The following PCDHGA3 variants were observed in gnomAD, a reference collection of about 807,000 sequenced individuals.
PCDHGA3 encodes the protein protocadherin gamma-A3.
In PCDHGA3, 40 loss-of-function variants were observed where a neutral mutation model predicts 58.5. The ratio of observed to expected loss-of-function variants is 0.68; its 90% confidence interval spans 0.53 to 0.89. The LOEUF is 0.89. Ranked by LOEUF, PCDHGA3 falls within the 40% of genes least tolerant of loss-of-function variation. PCDHGA3 has a pLI of 0.00. For missense variants in PCDHGA3, 1,223 were observed against 1,195.9 expected (o/e 1.02, Z -0.33); for synonymous variants, 530 against 525.7 (o/e 1.01, Z -0.11).
chr5:141,364,347 G>C, intron 1 of PCDHGA3: 1 of 1,543,210 alleles, frequency 6.5e-7, no homozygotes, highest in East Asian at 2.3e-5. Context: ...AGTCCACCTA[G>C]GGGCTGGGGC....
In PCDHGA3 at chr5:141,433,028, G is replaced by T. The variant is rs539293579; in HGVS notation, c.2425-61779G>T. 27 of 1,614,116 alleles carry T rather than the reference G, an allele frequency of 1.7e-5. No individual in the cohort carries two copies. The highest frequency in any genetic ancestry group is 6.7e-5 in the Admixed American group (4 of 60,018). On this transcript the variant is annotated intron_variant, in intron 1 of 3. Coordinates refer to ENST00000253812, the MANE Select transcript of PCDHGA3 (RefSeq NM_018916.4). ...TTTCCTGCAGACCTATTCCCACGAG[G>T]TTTCCCTCACCACGGACTCGCGGAA...
chr5:141,380,233 G>A (rs1035611474), intron 1 of PCDHGA3, among the ~76,000 whole-genome samples: 49 of 152,114 alleles, frequency 3.2e-4, no homozygotes, highest in Non-Finnish European at 7.1e-4. Context: ...GGCTTCTGTT[G>A]AGGTGGCAAT....
Position 141,345,233 on chromosome 5 carries a change from A to C in PCDHGA3, c.1200A>C (p.Gln400His). 1 of 1,613,968 alleles carries C rather than the reference A, an allele frequency of 6.2e-7. No homozygotes were observed. Among genetic ancestry groups the C allele is most frequent in the African/African-American group, 1.3e-5 (1 of 75,024 alleles). ...TTAAGTTAGAAAAATCAATAGATCA[A>C]TATTACCGCTTAGTGACGGCCACAT... is the stretch of plus-strand genomic sequence containing the variant. ...LPFKLEKSID[Q>H]YYRLVTATSL... The change falls in exon 1 of 4, where the codon CAA (glutamine) becomes CAC (histidine). Residue 400 changes from glutamine to histidine, a missense_variant. Coordinates refer to ENST00000253812, the MANE Select transcript of PCDHGA3 (RefSeq NM_018916.4).
chr5:141,428,757 G>T (rs1216855355), intron 1 of PCDHGA3: 1 of 154,176 alleles, frequency 6.5e-6, no homozygotes, highest in Non-Finnish European at 1.4e-5. Context: ...CTTCAGGTTT[G>T]TTTGCCCACT....
chr5:141,392,641 C>A, intron 1 of PCDHGA3: 2 of 655,502 alleles, frequency 3.1e-6, no homozygotes, highest in East Asian at 5.8e-5. Flanking sequence ...TCACACCTCA[C>A]GAAGACCCGC....
At chr5:141,429,196 A>ACACACT in intron 1 of PCDHGA3, 1 of 151,994 alleles carries the variant, frequency 6.6e-6, no homozygotes, top group Non-Finnish European at 1.5e-5. Context: ...ACACACACAC[A>ACACACT]CACACACACG....
intron 1 of PCDHGA3, among the ~76,000 whole-genome samples, chr5:141,406,468 T>C (rs2094813433): frequency 6.6e-6 from 1 of 152,230 alleles, no homozygotes; most frequent in Admixed American, 6.5e-5. Flanking sequence ...AACACCTCTT[T>C]GAGGTTATAT....
At chr5:141,388,616 A>C in intron 1 of PCDHGA3, 1 of 1,613,938 alleles carries the variant, frequency 6.2e-7, no homozygotes, top group Non-Finnish European at 8.5e-7. Flanking sequence ...TGTTCAGTCA[A>C]GACGTATACA....
intron 1 of PCDHGA3, chr5:141,357,263 G>A (rs2149795204): frequency 1.9e-6 from 3 of 1,613,814 alleles, no homozygotes; most frequent in East Asian, 4.5e-5. Context: ...GACGACTCGG[G>A]CCTCACACTC....
chr5:141,450,010 T>A (rs2098664468), intron 1 of PCDHGA3, among the ~76,000 whole-genome samples: 1 of 135,330 alleles, frequency 7.4e-6, no homozygotes, highest in African/African-American at 3.3e-5. Flanking sequence ...ATGTCTCTTT[T>A]TTTTTTTTTT....
chr5:141,428,222 C>A, intron 1 of PCDHGA3: 1 of 1,173,442 alleles, frequency 8.5e-7, no homozygotes, highest in Non-Finnish European at 1.2e-6. Flanking sequence ...CTAGTCTTCG[C>A]AGACAGCCTG....
chr5:141,362,184 C>T (rs1252521454), intron 1 of PCDHGA3: 1 of 1,614,058 alleles, frequency 6.2e-7, no homozygotes, highest in Admixed American at 1.7e-5. Flanking sequence ...AGCCCTCTGA[C>T]CCCCAGGCAA....
In PCDHGA3 at chr5:141,388,127, C is replaced by T. The variant is rs760517049; in HGVS notation, c.2424+41670C>T. 21 of 1,427,554 alleles carry T rather than the reference C, an allele frequency of 1.5e-5. No homozygotes were observed. The African/African-American group carries it at 2.9e-4, about 20-fold the overall frequency. The allele number at this position is 1,427,554 out of a possible 1,614,324, so 88.4% of individuals were successfully genotyped here. On this transcript the variant is annotated intron_variant, in intron 1 of 3. Coordinates refer to ENST00000253812, the MANE Select transcript of PCDHGA3 (RefSeq NM_018916.4). ...CTTACTTCACCGTGAGCGCAGAGAG[C>T]GGGGAGTTGCTTGTGAGCAGCAGGC...
intron 1 of PCDHGA3, chr5:141,350,722 T>C (rs371225641): frequency 5.0e-6 from 8 of 1,613,840 alleles, no homozygotes; most frequent in Non-Finnish European, 6.8e-6. Context: ...TGGATTCTGC[T>C]CAAGATGCAG....
chr5:141,420,156 A>T lies in PCDHGA3; in HGVS notation c.2424+73699A>T, dbSNP rs1406451882. ...GGGGATCAAATGAATCCAGAATTTA[A>T]TTTTTTCACATCTGTTGATCATTGT... On this transcript the variant is annotated intron_variant, in intron 1 of 3. Coordinates refer to ENST00000253812, the MANE Select transcript of PCDHGA3 (RefSeq NM_018916.4). The T allele has an allele frequency of 1.4e-5, 22 of 1,613,872 alleles. No individual in the cohort carries two copies. Among genetic ancestry groups the T allele is most frequent in the Middle Eastern group, 3.3e-4 (2 of 6,084 alleles).
intron 1 of PCDHGA3, among the ~76,000 whole-genome samples, chr5:141,459,804 C>G (rs2098975712): frequency 6.6e-6 from 1 of 152,192 alleles, no homozygotes; most frequent in Non-Finnish European, 1.5e-5. Context: ...TCCCTGTTGA[C>G]TAGAGACACT....
intron 1 of PCDHGA3, chr5:141,440,995 C>G (rs1425894086): frequency 6.6e-6 from 1 of 152,154 alleles, no homozygotes; most frequent in Non-Finnish European, 1.5e-5. Context: ...GTACCCATAT[C>G]TAGTTTGGCC....
At chr5:141,418,836 C>T (rs2096292464) in intron 1 of PCDHGA3, 1 of 1,613,984 alleles carries the variant, frequency 6.2e-7, no homozygotes, top group Non-Finnish European at 8.5e-7. Flanking sequence ...GACCGAGGAT[C>T]TCTCTCAACA....
chr5:141,486,163 G>A lies in PCDHGA3; in HGVS notation c.2425-8644G>A. 2.5e-6 allele frequency: 4 copies of A among 1,614,212 alleles called. No individual in the cohort carries two copies. Among genetic ancestry groups the A allele is most frequent in the Non-Finnish European group, 3.4e-6 (4 of 1,180,034 alleles). The stretch of plus-strand genomic sequence containing the variant: ...CTCGCGATGGGGGTTCTCCAGCCAT[G>A]GAGCAACATTGCAGCCTTCGAGTGG... On this transcript the variant is annotated intron_variant, in intron 1 of 3. Transcript: ENST00000253812. This position sits in a 1 kb window ranked among gnomAD's most constrained non-coding sequence, Gnocchi z 5.0.
Sources: gnomAD v4.1 joint callset for allele counts (sites outside exome capture counted in the v4.1 genomes callset) on GRCh38, gnomAD v4.1.1 for gene constraint, Gnocchi (gnomAD v3.1) non-coding constraint, MANE v1.5 for transcripts, NCBI Gene and HGNC (gene_info 2026-07-23, HGNC 2026-07-21) for gene names.